Variants in COL21A1 observed in about 807,000 individuals in gnomAD.
COL21A1 encodes the protein collagen alpha-1(XXI) chain.
A neutral mutation model predicts 137.9 loss-of-function variants in COL21A1; 149 were observed. The ratio of observed to expected loss-of-function variants is 1.08; its 90% CI spans 0.95 to 1.24. The LOEUF (loss-of-function observed/expected upper bound fraction) is 1.24. COL21A1 is among the 50% of genes most tolerant of loss of function. The probability of loss-of-function intolerance (pLI) is 0.00; values close to 1 mark genes in which losing one functional copy is unlikely to be tolerated. For missense variants in COL21A1, 1,167 were observed against 1,158.4 expected, an observed-to-expected ratio of 1.01 and a Z score of -0.11; for synonymous variants, 456 against 391.5, an observed-to-expected ratio of 1.16 and a Z score of -1.95.
At chr6:56,318,073 T>C (rs1453622922) in intron 1 of COL21A1, among the ~76,000 whole-genome samples, 1 of 152,206 alleles carries the variant, frequency 6.6e-6, no homozygotes, top group Non-Finnish European at 1.5e-5. Flanking sequence ...AGATCTATTG[T>C]ACATTATAAT....
At chr6:56,361,790 TGTG>T (rs1765974785) in intron 1 of COL21A1, among the ~76,000 whole-genome samples, 2 of 152,256 alleles carry the variant, frequency 1.3e-5, no homozygotes, top group Non-Finnish European at 2.9e-5. Context: ...TGTGTGTGTG[TGTG>T]TTCTTTTCTA....
chr6:56,149,142 A>G (rs1042036030), intron 10 of COL21A1, among the ~76,000 whole-genome samples: 1 of 152,172 alleles, frequency 6.6e-6, no homozygotes, highest in Admixed American at 6.5e-5. Context: ...TAAATAGCTC[A>G]TTTTCTAAGT....
At chr6:56,223,041 A>G (rs1201490675) in intron 1 of COL21A1, among the ~76,000 whole-genome samples, 1 of 54,862 alleles carries the variant, frequency 1.8e-5, no homozygotes, top group African/African-American at 1.8e-4. Context: ...TCTATTCAGA[A>G]CAAAAAAAAA....
intron 1 of COL21A1, among the ~76,000 whole-genome samples, chr6:56,330,648 G>A (rs926250269): frequency 1.3e-5 from 2 of 151,860 alleles, no homozygotes; most frequent in African/African-American, 4.8e-5. Context: ...TTCATCCCTC[G>A]CCTCTCTCCC....
At position 56,156,935 on chromosome 6, in the gene COL21A1, C is replaced by A; in HGVS notation, c.1386G>T (p.Leu462=). The A allele has an allele frequency of 6.2e-7, 1 of 1,611,666 alleles. No individual in the cohort carries two copies. Among genetic ancestry groups the A allele is most frequent in the Non-Finnish European group, 8.5e-7 (1 of 1,178,996 alleles). ...GLQGPKGDPG[L]PGNPGYPGQP... is the part of the protein sequence containing the mutation. ...GTCCAGGGTAGCCAGGGTTCCCAGG[C>A]AGTCCAGGGTCACCCTAAGCAGGAA... is the stretch of plus-strand genomic sequence containing the variant. The change falls in exon 10 of 30, where the codon CTG becomes CTT. Residue 462 remains leucine (L), a synonymous_variant. Transcript: ENST00000244728.
intron 8 of COL21A1, 134 bp downstream of exon 8, chr6:56,164,680 A>T: frequency 1.2e-6 from 1 of 854,080 alleles, no homozygotes; most frequent in East Asian, 2.7e-5. Flanking sequence ...AAATCTATAA[A>T]TATTAAATAC....
At chr6:56,189,839 T>G (rs1030559441) in intron 1 of COL21A1, among the ~76,000 whole-genome samples, 3 of 152,170 alleles carry the variant, frequency 2.0e-5, no homozygotes, top group Non-Finnish European at 2.9e-5. Context: ...AAAAGAATTT[T>G]CAACCCAGAA....
In COL21A1 at chr6:56,182,660, G is replaced by C; in HGVS notation, c.-38-4C>G. On this transcript the variant is annotated splice_region_variant and splice_polypyrimidine_tract_variant and intron_variant, in intron 1 of 29. Coordinates refer to ENST00000244728, the MANE Select transcript of COL21A1 (RefSeq NM_030820.4). Reference sequence around the variant, plus strand: ...TAATATTTTGGTTTTAGGATTCCTAGGGGGAAAAAAAAGGCAAGTTAAATA... The same window carrying C: ...TAATATTTTGGTTTTAGGATTCCTACGGGGAAAAAAAAGGCAAGTTAAATA... 7.4e-7 allele frequency: 1 copy of C among 1,344,526 alleles called. No homozygotes were observed. The highest frequency in any genetic ancestry group is 1.0e-6 in the Non-Finnish European group (1 of 962,278). 83.3% of individuals were successfully genotyped at this position (1,344,526 alleles called of 1,614,324 possible).
At position 56,170,976 on chromosome 6, in the gene COL21A1, A is replaced by C. The variant is rs763030420; in HGVS notation, c.793T>G (p.Leu265Val). The C allele has an allele frequency of 1.2e-6, 2 of 1,602,984 alleles. No individual in the cohort carries two copies. The highest frequency in any genetic ancestry group is 3.4e-5 in the Admixed American group (2 of 58,066). ...KGYEVTSKVDLSELTSNVFPE... is the reference protein window; with the variant it reads ...KGYEVTSKVDVSELTSNVFPE... Reference sequence around the variant, plus strand: ...AATGCATACCTTGTGAGTTCTGATAAATCAACTTTTGATGTTACTTCATAT... The same window carrying C: ...AATGCATACCTTGTGAGTTCTGATACATCAACTTTTGATGTTACTTCATAT... Residue 265 changes from leucine (L) to valine (V), a missense_variant, in exon 4 of 30, where the codon TTA (leucine) becomes GTA (valine). By Grantham distance (32) the Leu-to-Val change is conservative (BLOSUM62 1). Transcript: ENST00000244728.
chr6:56,100,682 C>T (rs573747268), intron 17 of COL21A1, among the ~76,000 whole-genome samples: 1 of 152,228 alleles, frequency 6.6e-6, no homozygotes, highest in South Asian at 2.1e-4. Flanking sequence ...TGGCCCAGTA[C>T]ATAATCATAC....
At position 56,129,675 on chromosome 6, in the gene COL21A1, C is replaced by CATGTGTGTGT. The variant is rs1258564310; in HGVS notation, c.1543-3527_1543-3526insACACACACAT. 1.8e-3 allele frequency among the ~76,000 whole-genome samples: 246 copies of CATGTGTGTGT among 136,510 alleles called. 1 individual carries two copies. Among genetic ancestry groups the CATGTGTGTGT allele is most frequent in the Middle Eastern group, 3.7e-3 (1 of 268 alleles). The allele number at this position is 136,510 out of a possible 152,430, so 89.6% of individuals were successfully genotyped here. ...TGTTGCTTCCTCTGTCACGTGCGTGCGTGTGTGTGTGTGTGTGTGTGTGTG... is the reference window on the plus strand; with the variant it reads ...TGTTGCTTCCTCTGTCACGTGCGTGCATGTGTGTGTGTGTGTGTGTGTGTGTGTGTGTGTG... On this transcript the variant is annotated intron_variant, in intron 12 of 29. Transcript: ENST00000244728.
At chr6:56,241,180 G>A (rs531036523) in intron 1 of COL21A1, among the ~76,000 whole-genome samples, 4 of 152,222 alleles carry the variant, frequency 2.6e-5, no homozygotes, top group South Asian at 4.2e-4. Flanking sequence ...AAGGCCTTTC[G>A]GAGGTAATTA....
chr6:56,284,719 C>T lies in COL21A1; in HGVS notation c.-38-102063G>A, dbSNP rs71564834. Among the ~76,000 whole-genome samples the T allele has an allele frequency of 6.0e-3, 902 of 151,546 alleles. 8 individuals carry two copies. Among genetic ancestry groups the T allele is most frequent in the Middle Eastern group, 0.014 (4 of 290 alleles). On this transcript the variant is annotated intron_variant, in intron 1 of 28. Transcript: ENST00000370819. ...CTACAGAATAAAATCAATCTCATTA[C>T]GCTGGCAATGAGATGAACTTCATCG...
chr6:56,233,191 TA>T (rs1021182828), intron 1 of COL21A1, among the ~76,000 whole-genome samples: 29 of 151,924 alleles, frequency 1.9e-4, no homozygotes, highest in African/African-American at 6.3e-4. Context: ...GAAGCAGCCA[TA>T]TCCAATAAAT....
chr6:56,069,593 T>C (rs1004985753), intron 21 of COL21A1, among the ~76,000 whole-genome samples: 2 of 150,418 alleles, frequency 1.3e-5, no homozygotes, highest in East Asian at 3.9e-4. Flanking sequence ...TATTTTGTTA[T>C]GTATTTTTTC....
chr6:56,057,838 T>C lies in COL21A1; in HGVS notation c.2693A>G (p.Glu898Gly). Residue 898 changes from glutamate to glycine, a missense_variant, in exon 30 of 30, where the codon GAG (glutamate) becomes GGG (glycine). Physicochemically the swap from Glu to Gly is moderately conservative, Grantham distance 98. Transcript: ENST00000244728. ...TTCTTTGCTTATTCCAGGAGGGCCC[T>C]CTGGACCTAAGATGGGACATTGGCA... Reference protein sequence around the residue: ...EQGPPGPPGPEGPPGISKEGP... With the variant: ...EQGPPGPPGPGGPPGISKEGP... 6.5e-7 allele frequency: 1 copy of C among 1,547,074 alleles called. No homozygotes were observed. The highest frequency in any genetic ancestry group is 1.2e-5 in the South Asian group (1 of 81,754).
chr6:56,388,630 C>T (rs1271708472), intron 1 of COL21A1, among the ~76,000 whole-genome samples: 3 of 152,232 alleles, frequency 2.0e-5, no homozygotes, highest in Admixed American at 6.5e-5. Flanking sequence ...TAAATCACAA[C>T]ACTCAATCTT....
At chr6:56,242,144 ACT>A (rs915931103) in intron 1 of COL21A1, among the ~76,000 whole-genome samples, 1 of 152,130 alleles carries the variant, frequency 6.6e-6, no homozygotes, top group African/African-American at 2.4e-5. Context: ...GTGGAACCAA[ACT>A]CTCTCTTCCT....
At chr6:56,365,132 A>G (rs1275516076) in intron 1 of COL21A1, among the ~76,000 whole-genome samples, 1 of 152,194 alleles carries the variant, frequency 6.6e-6, no homozygotes, top group Non-Finnish European at 1.5e-5. Flanking sequence ...AATCAAATTT[A>G]TCAGGAATAA....
Sources: gnomAD v4.1 joint callset for allele counts (sites outside exome capture counted in the v4.1 genomes callset) on GRCh38, gnomAD v4.1.1 for gene constraint, MANE v1.5 for transcripts, NCBI Gene and HGNC (gene_info 2026-07-23, HGNC 2026-07-21) for gene names.